MAPT: variants seen among roughly 807,000 people sequenced by gnomAD.
MAPT encodes microtubule-associated protein tau.
MAPT carries 34 observed loss-of-function variants against 67.9 expected under a neutral mutation model. The observed-to-expected ratio is 0.50, with a 90% CI of 0.38 to 0.67. The LOEUF is 0.67. Among genes scored for constraint, MAPT ranks in the 30% least tolerant of loss-of-function variants. MAPT has a pLI of 0.00. For synonymous variants in MAPT, 456 were observed against 464.5 expected (o/e 0.98, Z 0.23); for missense variants, 881 against 1,115.2 (o/e 0.79, Z 2.99).
At chr17:46,022,195 A>G (rs1026596568) in intron 12 of MAPT, among the ~76,000 whole-genome samples, 2 of 151,932 alleles carry the variant, frequency 1.3e-5, no homozygotes, top group Admixed American at 1.3e-4. Flanking sequence ...TCTCTACAAA[A>G]AATACAAAAA....
At chr17:45,937,218 G>A (rs976760306) in intron 1 of MAPT, among the ~76,000 whole-genome samples, 2 of 152,128 alleles carry the variant, frequency 1.3e-5, no homozygotes, top group African/African-American at 4.8e-5. Flanking sequence ...TGAAAGGAGA[G>A]GCCCCCTCTC....
At chr17:45,938,298 T>A (rs1211974017) in intron 1 of MAPT, among the ~76,000 whole-genome samples, 2 of 152,258 alleles carry the variant, frequency 1.3e-5, no homozygotes, top group East Asian at 3.9e-4. Flanking sequence ...TCTAAAGGTT[T>A]CATGCATTCC....
In MAPT at chr17:46,025,375, TCA is replaced by T. The variant is rs66561280; in HGVS notation, c.*1208_*1209del. 0.14 allele frequency: 21,825 copies of T among 152,806 alleles called. 2,115 individuals are homozygous for T. Among genetic ancestry groups the T allele is most frequent in the Non-Finnish European group, 0.22 (14,759 of 68,140 alleles). 9.5% of individuals were successfully genotyped at this position (152,806 alleles called of 1,614,324 possible). ...GCCCAATCACTGCCTATACCCCTCA[TCA>T]CACGTCACAATGTCCCGAATTCCCA... On this transcript the variant is annotated 3_prime_UTR_variant, in exon 13 of 13. Transcript: ENST00000262410.
intron 1 of MAPT, among the ~76,000 whole-genome samples, chr17:45,904,383 T>C (rs1264752342): frequency 1.8e-5 from 2 of 110,394 alleles, no homozygotes; most frequent in East Asian, 2.1e-4. Context: ...ATTTTATATA[T>C]ATTATATATA....
intron 2 of MAPT, among the ~76,000 whole-genome samples, chr17:45,966,580 C>A (rs1395365486): frequency 1.3e-5 from 2 of 152,062 alleles, no homozygotes; most frequent in African/African-American, 2.4e-5. Flanking sequence ...CAGAGCAAGA[C>A]CCTGTCTCAA....
In MAPT at chr17:46,025,614, C is replaced by T. The variant is rs910880920; in HGVS notation, c.*1443C>T. On this transcript the variant is annotated 3_prime_UTR_variant, in exon 13 of 13. Coordinates refer to ENST00000262410, the MANE Select transcript of MAPT (RefSeq NM_001377265.1). Reference sequence around the variant, plus strand: ...TCCTCCTCCCGTCACAGATGTGAGCCAGGGCACTGCTCAGCTGTGACCCTA... The same window carrying T: ...TCCTCCTCCCGTCACAGATGTGAGCTAGGGCACTGCTCAGCTGTGACCCTA... 2.0e-5 allele frequency: 3 copies of T among 152,634 alleles called. No homozygotes were observed. The highest frequency in any genetic ancestry group is 7.2e-5 in the African/African-American group (3 of 41,452). 9.5% of individuals were successfully genotyped at this position (152,634 alleles called of 1,614,324 possible). A position where few individuals can be genotyped will look rare whatever the true frequency, so the allele number is the denominator to read the frequency against.
At chr17:45,963,969 G>A (rs1434768417) in intron 2 of MAPT, among the ~76,000 whole-genome samples, 1 of 152,174 alleles carries the variant, frequency 6.6e-6, no homozygotes, top group Non-Finnish European at 1.5e-5. Context: ...GGCGTATTGG[G>A]GGAGCAGGGG....
chr17:45,974,178 G>T, intron 3 of MAPT: 2 of 599,074 alleles, frequency 3.3e-6, no homozygotes, highest in South Asian at 3.8e-5. Flanking sequence ...GGCGGTTCAT[G>T]AGCCAGAACC....
At chr17:46,008,686 A>C (rs905938730) in intron 9 of MAPT, among the ~76,000 whole-genome samples, 5 of 151,928 alleles carry the variant, frequency 3.3e-5, no homozygotes, top group African/African-American at 1.2e-4. Flanking sequence ...AATTAAGGGG[A>C]AAAAAAACGG....
intron 9 of MAPT, among the ~76,000 whole-genome samples, chr17:46,007,217 G>A (rs2075507547): frequency 6.6e-6 from 1 of 152,180 alleles, no homozygotes; most frequent in Non-Finnish European, 1.5e-5. Context: ...GGACACCGTG[G>A]TTCACGCCTG....
At chr17:46,013,667 T>C (rs981195823) in intron 10 of MAPT, among the ~76,000 whole-genome samples, 3 of 152,336 alleles carry the variant, frequency 2.0e-5, no homozygotes, top group Admixed American at 6.5e-5. Flanking sequence ...TGCTTACTGA[T>C]GGTCTTTGCT....
At chr17:45,914,477 T>A (rs1369622430) in intron 1 of MAPT, among the ~76,000 whole-genome samples, 1 of 152,156 alleles carries the variant, frequency 6.6e-6, no homozygotes, top group Non-Finnish European at 1.5e-5. Context: ...CGGGTGCCCC[T>A]CAGATCCTGT....
rs1027321301 is a variant in MAPT at position 45,982,291 on chromosome 17, C to T, written c.287-575C>T. On this transcript the variant is annotated intron_variant, in intron 4 of 12. Transcript: ENST00000262410. ...GAGCTGAGATCGTGCCACTGTACTC[C>T]AGCCTGGGCGACAGAGTGAGACTCT... Among the ~76,000 whole-genome samples the T allele has an allele frequency of 3.2e-4, 43 of 133,068 alleles. No individual in the cohort carries two copies. In the Admixed American group the frequency reaches 3.7e-3, roughly 11 times the overall value. The allele number at this position is 133,068 out of a possible 152,430, so 87.3% of individuals were successfully genotyped here.
chr17:45,909,730 G>A (rs2064612654), intron 1 of MAPT, among the ~76,000 whole-genome samples: 1 of 152,128 alleles, frequency 6.6e-6, no homozygotes, highest in Non-Finnish European at 1.5e-5. Flanking sequence ...AATTAGCCAA[G>A]CATGATGGCA....
At chr17:45,950,289 C>T (rs900085390) in intron 1 of MAPT, among the ~76,000 whole-genome samples, 2 of 152,116 alleles carry the variant, frequency 1.3e-5, no homozygotes, top group African/African-American at 2.4e-5. Context: ...TGGAGGTGGG[C>T]GAGATGCCTG....
intron 2 of MAPT, among the ~76,000 whole-genome samples, chr17:45,963,269 C>T (rs1034360884): frequency 6.6e-6 from 1 of 152,196 alleles, no homozygotes; most frequent in African/African-American, 2.4e-5. Flanking sequence ...TCGCCTCTTC[C>T]TCTCTCTTTC....
intron 1 of MAPT, among the ~76,000 whole-genome samples, chr17:45,901,463 G>A (rs1273443018): frequency 6.6e-6 from 1 of 152,110 alleles, no homozygotes; most frequent in Admixed American, 6.5e-5. Context: ...CTGGCAAACA[G>A]ATTTCAGGGT....
intron 1 of MAPT, among the ~76,000 whole-genome samples, chr17:45,947,005 C>G (rs1484072541): frequency 6.6e-6 from 1 of 152,172 alleles, no homozygotes; most frequent in Non-Finnish European, 1.5e-5. Flanking sequence ...TTTCTTCTTG[C>G]CAGCATGAGT....
At position 45,989,986 on chromosome 17, in the gene MAPT, G is replaced by GT; in HGVS notation, c.1517dup (p.Cys507ValfsTer9). 6.2e-7 allele frequency: 1 copy of GT among 1,614,162 alleles called. No individual in the cohort carries two copies. The highest frequency in any genetic ancestry group is 8.5e-7 in the Non-Finnish European group (1 of 1,180,030). On this transcript the variant is annotated frameshift_variant, in exon 7 of 13. Transcript: ENST00000262410. LOFTEE classifies it high-confidence loss of function. Reference sequence around the variant, plus strand: ...TCTGATCCAACCCTCCAGCCCTGCTGTGTGCCCAGAGCCACCTTCCTCTCC... The same window carrying GT: ...TCTGATCCAACCCTCCAGCCCTGCTGTTGTGCCCAGAGCCACCTTCCTCTCC...
Sources: gnomAD v4.1 joint callset for allele counts (sites outside exome capture counted in the v4.1 genomes callset) on GRCh38, gnomAD v4.1.1 for gene constraint, MANE v1.5 for transcripts, NCBI Gene and HGNC (gene_info 2026-07-23, HGNC 2026-07-21) for gene names.